FRAS1: variants seen among roughly 807,000 people sequenced by gnomAD.
The protein encoded by FRAS1 is extracellular matrix organizing protein FRAS1.
FRAS1 carries 290 observed loss-of-function variants against 435.2 expected under a neutral mutation model. The observed-to-expected ratio is 0.67, with a 90% CI of 0.61 to 0.73. The LOEUF is 0.73. Ranked by LOEUF, FRAS1 falls within the 30% of genes least tolerant of loss-of-function variation. The pLI, the probability that FRAS1 is intolerant of heterozygous loss-of-function variation, is 0.00. For missense variants in FRAS1, 4,860 were observed against 5,001.5 expected (o/e 0.97, Z 0.85); for synonymous variants, 1,800 against 1,851.0 (o/e 0.97, Z 0.71).
chr4:78,298,221 G>C (rs920079790), intron 14 of FRAS1, among the ~76,000 whole-genome samples: 1 of 148,122 alleles, frequency 6.8e-6, no homozygotes, highest in African/African-American at 2.5e-5. Context: ...TAAAATATAA[G>C]GTGTATTAAA....
intron 2 of FRAS1, among the ~76,000 whole-genome samples, chr4:78,174,922 G>A (rs1721701179): frequency 6.6e-6 from 1 of 152,212 alleles, no homozygotes; most frequent in Admixed American, 6.5e-5. Context: ...AGCAGCATCA[G>A]AATAATGCAT....
chr4:78,472,411 C>A, intron 52 of FRAS1, 81 bp downstream of exon 52: 1 of 1,267,800 alleles, frequency 7.9e-7, no homozygotes, highest in Non-Finnish European at 1.1e-6. Context: ...CTTCTCACAG[C>A]CACTTCCAGC....
At chr4:78,129,036 C>G (rs968805797) in intron 2 of FRAS1, among the ~76,000 whole-genome samples, 1 of 152,080 alleles carries the variant, frequency 6.6e-6, no homozygotes, top group African/African-American at 2.4e-5. Flanking sequence ...GCTTGTTTTT[C>G]TCAGGTTTGT....
chr4:78,181,379 T>C (rs1357964926), intron 2 of FRAS1: 5 of 1,611,822 alleles, frequency 3.1e-6, no homozygotes, highest in African/African-American at 1.3e-5. Flanking sequence ...AGTTCCCCAG[T>C]TGTGAGATCC....
In FRAS1 at chr4:78,337,689, G is replaced by T; in HGVS notation, c.2294G>T (p.Cys765Phe). 1.2e-6 allele frequency: 2 copies of T among 1,613,122 alleles called. No homozygotes were observed. The highest frequency in any genetic ancestry group is 1.7e-6 in the Non-Finnish European group (2 of 1,179,164). ...EGSCTECHPTCRQCHGPLESD... is the reference protein window; with the variant it reads ...EGSCTECHPTFRQCHGPLESD... Reference sequence around the variant, plus strand: ...CCCCTGCCAGAGTGTCACCCAACCTGCAGGCAGTGTCATGGGCCGTTGGAG... The same window carrying T: ...CCCCTGCCAGAGTGTCACCCAACCTTCAGGCAGTGTCATGGGCCGTTGGAG... The change falls in exon 20 of 74, where the codon TGC (cysteine) becomes TTC (phenylalanine). Residue 765 changes from cysteine to phenylalanine, a missense_variant. By Grantham distance (205) the Cys-to-Phe change is radical. Coordinates refer to ENST00000512123, the MANE Select transcript of FRAS1 (RefSeq NM_025074.7).
chr4:78,222,516 T>C (rs974130079), intron 2 of FRAS1, among the ~76,000 whole-genome samples: 9 of 152,234 alleles, frequency 5.9e-5, no homozygotes, highest in Non-Finnish European at 8.8e-5. Context: ...TGCCTTTGCA[T>C]GTATATGCTG....
chr4:78,470,707 C>A (rs1447816396), intron 51 of FRAS1, among the ~76,000 whole-genome samples: 4 of 152,106 alleles, frequency 2.6e-5, no homozygotes, highest in African/African-American at 9.7e-5. Context: ...AGGTTATATG[C>A]AAGTACTATG....
At position 78,325,342 on chromosome 4, in the gene FRAS1, AT is replaced by A. The variant is rs1729675287; in HGVS notation, c.2137+6360del. 3.3e-5 allele frequency among the ~76,000 whole-genome samples: 5 copies of A among 152,350 alleles called. No individual in the cohort carries two copies. In the South Asian group the frequency reaches 1.0e-3, roughly 32 times the overall value. ...GGAAGAAATAAAGCATGCTCTGTGT[AT>A]TTTGATCATTTAGTTGTTGCTAAGA... On this transcript the variant is annotated intron_variant, in intron 18 of 73. Coordinates refer to ENST00000512123, the MANE Select transcript of FRAS1 (RefSeq NM_025074.7).
intron 20 of FRAS1, among the ~76,000 whole-genome samples, chr4:78,356,487 C>A (rs1730862152): frequency 6.6e-6 from 1 of 152,128 alleles, no homozygotes; most frequent in South Asian, 2.1e-4. Context: ...AAAGAGAAAC[C>A]ACAAGTGTGT....
Position 78,369,822 on chromosome 4 carries a change from T to C in FRAS1, c.2723-16T>C. 6.2e-7 allele frequency: 1 copy of C among 1,603,326 alleles called. No homozygotes were observed. The highest frequency in any genetic ancestry group is 8.5e-7 in the Non-Finnish European group (1 of 1,173,986). ...AATTGTAATCATCTGGTCATTTTCT[T>C]TTCCTGTCTGCTCAGCATGCAACAC... On this transcript the variant is annotated splice_polypyrimidine_tract_variant and intron_variant, in intron 22 of 73. Transcript: ENST00000512123.
At position 78,540,983 on chromosome 4, in the gene FRAS1, G is replaced by T. The variant is rs1467790268; in HGVS notation, c.11898G>T (p.Val3966=). The part of the protein sequence containing the change: ...KRHPDRVEKN[V]NRHYCTVRNV... ...ACCCGGACCGGGTGGAGAAGAACGT[G>T]AATAGACACTACTGCACTGTGCGGA... The change falls in exon 74 of 74, where the codon GTG becomes GTT. Residue 3966 remains valine, a synonymous_variant. Coordinates refer to ENST00000512123, the MANE Select transcript of FRAS1 (RefSeq NM_025074.7). 1.9e-6 allele frequency: 3 copies of T among 1,613,060 alleles called. No homozygotes were observed. The highest frequency in any genetic ancestry group is 1.7e-5 in the Admixed American group (1 of 59,898).
At chr4:78,168,436 C>A (rs926075934) in intron 2 of FRAS1, among the ~76,000 whole-genome samples, 2 of 151,848 alleles carry the variant, frequency 1.3e-5, no homozygotes, top group South Asian at 2.1e-4. Context: ...TGCTTCCCCC[C>A]ACTTCCCTGC....
intron 26 of FRAS1, among the ~76,000 whole-genome samples, chr4:78,377,710 G>C (rs1731830105): frequency 6.6e-6 from 1 of 152,170 alleles, no homozygotes; most frequent in African/African-American, 2.4e-5. Context: ...GCAAACACCA[G>C]CCTCTTTACT....
intron 41 of FRAS1, 96 bp from the exon 42 acceptor site, chr4:78,445,424 CTT>C: frequency 7.3e-7 from 1 of 1,367,136 alleles, no homozygotes; most frequent in Non-Finnish European, 9.6e-7. Flanking sequence ...AATACATTTT[CTT>C]TTTTTTTGCC....
intron 2 of FRAS1, among the ~76,000 whole-genome samples, chr4:78,113,695 T>C (rs1447273623): frequency 3.9e-5 from 6 of 152,154 alleles, no homozygotes; most frequent in South Asian, 2.1e-4. Flanking sequence ...TTCTTGTAAA[T>C]TTGTTTGAGT....
intron 2 of FRAS1, among the ~76,000 whole-genome samples, chr4:78,230,604 G>C (rs1404684658): frequency 6.6e-6 from 1 of 152,168 alleles, no homozygotes; most frequent in Non-Finnish European, 1.5e-5. Context: ...AATGGGAGCT[G>C]GGTCAAAGAA....
At chr4:78,090,327 A>G (rs1272932195) in intron 2 of FRAS1, among the ~76,000 whole-genome samples, 1 of 152,232 alleles carries the variant, frequency 6.6e-6, no homozygotes, top group African/African-American at 2.4e-5. Context: ...GCTATATGCT[A>G]ATGCAGAAAG....
At chr4:78,400,229 C>G (rs190640425) in intron 29 of FRAS1, among the ~76,000 whole-genome samples, 1 of 152,178 alleles carries the variant, frequency 6.6e-6, no homozygotes, top group East Asian at 1.9e-4. Flanking sequence ...TTCCTCTATT[C>G]TCCCACAGCT....
At chr4:78,445,162 T>C (rs976157882) in intron 41 of FRAS1, among the ~76,000 whole-genome samples, 4 of 152,248 alleles carry the variant, frequency 2.6e-5, no homozygotes, top group African/African-American at 9.6e-5. Flanking sequence ...AGGTAGAATC[T>C]CTGCTTCTGT....
Sources: gnomAD v4.1 joint callset for allele counts (sites outside exome capture counted in the v4.1 genomes callset) on GRCh38, gnomAD v4.1.1 for gene constraint, MANE v1.5 for transcripts, NCBI Gene and HGNC (gene_info 2026-07-23, HGNC 2026-07-21) for gene names.